Variants in OR2M3 observed in about 807,000 individuals in gnomAD.
The protein encoded by OR2M3 is olfactory receptor 2M3.
A neutral mutation model predicts 4.3 loss-of-function variants in OR2M3; 1 was observed. That is an observed-to-expected ratio of 0.23 (90% confidence interval 0.08 to 1.11). The LOEUF is 1.11. Among genes scored for constraint, OR2M3 ranks in the 50% most tolerant of loss-of-function variants. The pLI, the probability that OR2M3 is intolerant of heterozygous loss-of-function variation, is 0.54. For missense variants in OR2M3, 410 were observed against 390.4 expected, an observed-to-expected ratio of 1.05 and a Z score of -0.42; for synonymous variants, 151 against 139.4, an observed-to-expected ratio of 1.08 and a Z score of -0.59.
Position 248,208,712 on chromosome 1 carries a change from G to T in OR2M3, c.*4706G>T, listed in dbSNP as rs1666249474. ...CTGCTAATAAATCTGCTATCAATGT[G>T]ATAGGTTTTTCTTTACAGGTTACCT... On this transcript the variant is annotated 3_prime_UTR_variant, in exon 2 of 2. Coordinates refer to ENST00000641626, the MANE Select transcript of OR2M3 (RefSeq NM_001004689.2). The T allele has an allele frequency of 6.6e-6, 1 of 152,138 alleles. No homozygotes were observed. Among genetic ancestry groups the T allele is most frequent in the African/African-American group, 2.4e-5 (1 of 41,436 alleles). 9.4% of individuals were successfully genotyped at this position (152,138 alleles called of 1,614,324 possible).
chr1:248,204,078 C>G lies in OR2M3; in HGVS notation c.*72C>G, dbSNP rs142496961. Reference sequence around the variant, plus strand: ...TAAATGGTCCTATTTTTCCATTAAGCCTTGAAAATGGGATTCATTGTGTAC... The same window carrying G: ...TAAATGGTCCTATTTTTCCATTAAGGCTTGAAAATGGGATTCATTGTGTAC... On this transcript the variant is annotated 3_prime_UTR_variant, in exon 2 of 2. Transcript: ENST00000641626. 1,681 of 1,460,616 alleles carry G rather than the reference C, an allele frequency of 1.2e-3. 14 individuals are homozygous for G. The African/African-American group carries it at 0.02, about 18-fold the overall frequency. 90.5% of individuals were successfully genotyped at this position (1,460,616 alleles called of 1,614,324 possible).
Position 248,208,910 on chromosome 1 carries a change from C to G in OR2M3, c.*4904C>G, listed in dbSNP as rs1384733539. 1.3e-5 allele frequency: 2 copies of G among 152,174 alleles called. No homozygotes were observed. The highest frequency in any genetic ancestry group is 2.9e-5 in the Non-Finnish European group (2 of 68,026). 9.4% of individuals were successfully genotyped at this position (152,174 alleles called of 1,614,324 possible). On this transcript the variant is annotated 3_prime_UTR_variant, in exon 2 of 2. Transcript: ENST00000641626. ...TAGTAATTTTCCTCTATTATTCCTT[C>G]AAATATATTTTCCAGACTTTTAGAT...
At chr1:248,198,388 T>C (rs1190235827) in intron 1 of OR2M3, among the ~76,000 whole-genome samples, 1 of 152,192 alleles carries the variant, frequency 6.6e-6, no homozygotes, top group Non-Finnish European at 1.5e-5. Flanking sequence ...TTCTTGTAGT[T>C]ATGCTTATAA....
At position 248,206,755 on chromosome 1, in the gene OR2M3, G is replaced by T. The variant is rs1022703477; in HGVS notation, c.*2749G>T. On this transcript the variant is annotated 3_prime_UTR_variant, in exon 2 of 2. Transcript: ENST00000641626. ...TGCATCTATGTTCATCAGGGATATT[G>T]GTCTGTAGTCTGTAGTTTTCTTTTT... 1 of 151,960 alleles carries T rather than the reference G, an allele frequency of 6.6e-6. No homozygotes were observed. The highest frequency in any genetic ancestry group is 1.5e-5 in the Non-Finnish European group (1 of 67,916). The allele number at this position is 151,960 out of a possible 1,614,324, so 9.4% of individuals were successfully genotyped here. A position where few individuals can be genotyped will look rare whatever the true frequency, so the allele number is the denominator to read the frequency against.
chr1:248,203,098 G>C lies in OR2M3; in HGVS notation c.31G>C (p.Asp11His). 2 of 1,613,666 alleles carry C rather than the reference G, an allele frequency of 1.2e-6. No individual in the cohort carries two copies. The highest frequency in any genetic ancestry group is 1.7e-6 in the Non-Finnish European group (2 of 1,179,854). ...AAGGGAGAATTCGACCTTCAACTCCGACTTCATCCTCCTGGGAATCTTCAA... is the reference window on the plus strand; with the variant it reads ...AAGGGAGAATTCGACCTTCAACTCCCACTTCATCCTCCTGGGAATCTTCAA... MARENSTFNS[D>H]FILLGIFNHS... The change falls in exon 2 of 2, where the codon GAC becomes CAC. Residue 11 changes from aspartate to histidine, a missense_variant. Transcript: ENST00000641626.
rs1457216195 is a variant in OR2M3, at chr1:248,205,256, C to T, written c.*1250C>T. 1 of 151,984 alleles carries T rather than the reference C, an allele frequency of 6.6e-6. No homozygotes were observed. Among genetic ancestry groups the T allele is most frequent in the Non-Finnish European group, 1.5e-5 (1 of 67,962 alleles). The allele number at this position is 151,984 out of a possible 1,614,324, so 9.4% of individuals were successfully genotyped here. On this transcript the variant is annotated 3_prime_UTR_variant, in exon 2 of 2. Coordinates refer to ENST00000641626, the MANE Select transcript of OR2M3 (RefSeq NM_001004689.2). ...CTCTATGGGTTGTCTATTTACTCTG[C>T]TGACCGTTCCTTTTGCAGTGCAAAA...
rs1302698921 is a variant in OR2M3 at position 248,208,409 on chromosome 1, A to G, written c.*4403A>G. ...TTTGTTTTCATTATGTTATTGTTAT[A>G]TAGGTCCTGTAATATTTATGCTTTA... On this transcript the variant is annotated 3_prime_UTR_variant, in exon 2 of 2. Coordinates refer to ENST00000641626, the MANE Select transcript of OR2M3 (RefSeq NM_001004689.2). 6.6e-6 allele frequency: 1 copy of G among 152,130 alleles called. No individual in the cohort carries two copies. The highest frequency in any genetic ancestry group is 6.6e-5 in the Admixed American group (1 of 15,254). The allele number at this position is 152,130 out of a possible 1,614,324, so 9.4% of individuals were successfully genotyped here. A position where few individuals can be genotyped will look rare whatever the true frequency, so the allele number is the denominator to read the frequency against.
intron 1 of OR2M3, among the ~76,000 whole-genome samples, chr1:248,202,062 A>C (rs1666163755): frequency 6.6e-6 from 1 of 152,154 alleles, no homozygotes; most frequent in African/African-American, 2.4e-5. Flanking sequence ...CAGTATCACA[A>C]ACTGGTTACC....
In OR2M3 at chr1:248,209,551, G is replaced by A. The variant is rs1480488186; in HGVS notation, c.*5545G>A. 1 of 152,048 alleles carries A rather than the reference G, an allele frequency of 6.6e-6. No individual in the cohort carries two copies. The highest frequency in any genetic ancestry group is 6.6e-5 in the Admixed American group (1 of 15,264). The allele number at this position is 152,048 out of a possible 1,614,324, so 9.4% of individuals were successfully genotyped here. Reference sequence around the variant, plus strand: ...CATTCCCCTAGGAATGAGGCTTCCTGAGAGCCAAACTGTAGTGGCTGTCTA... The same window carrying A: ...CATTCCCCTAGGAATGAGGCTTCCTAAGAGCCAAACTGTAGTGGCTGTCTA... On this transcript the variant is annotated 3_prime_UTR_variant, in exon 2 of 2. Transcript: ENST00000641626.
At position 248,210,956 on chromosome 1, in the gene OR2M3, C is replaced by G. The variant is rs1353106918; in HGVS notation, c.*6950C>G. On this transcript the variant is annotated 3_prime_UTR_variant, in exon 2 of 2. Coordinates refer to ENST00000641626, the MANE Select transcript of OR2M3 (RefSeq NM_001004689.2). ...ACTCTGTCCATCTGAGTGGGAGCTG[C>G]AAGCTAGTCCTGCCTCCTATCCACC... 2.0e-5 allele frequency: 3 copies of G among 152,230 alleles called. No individual in the cohort carries two copies. The highest frequency in any genetic ancestry group is 4.4e-5 in the Non-Finnish European group (3 of 68,068). 9.4% of individuals were successfully genotyped at this position (152,230 alleles called of 1,614,324 possible).
At chr1:248,198,988 T>C in intron 1 of OR2M3, among the ~76,000 whole-genome samples, 1 of 152,148 alleles carries the variant, frequency 6.6e-6, no homozygotes, top group Non-Finnish European at 1.5e-5. Context: ...TGTGTTACTA[T>C]TGCTCTGGGC....
At chr1:248,197,486 G>A (rs1666109674) in intron 1 of OR2M3, among the ~76,000 whole-genome samples, 185 bp downstream of exon 1, 1 of 152,090 alleles carries the variant, frequency 6.6e-6, no homozygotes, top group Admixed American at 6.6e-5. Context: ...TACAATCTGA[G>A]GCAGAAGGAG....
chr1:248,201,478 G>A (rs1436199497), intron 1 of OR2M3, among the ~76,000 whole-genome samples: 2 of 151,552 alleles, frequency 1.3e-5, no homozygotes, highest in Middle Eastern at 3.2e-3. Context: ...AAGTTTTAGG[G>A]TACATGTGCA....
Position 248,206,876 on chromosome 1 carries a change from A to G in OR2M3, c.*2870A>G, listed in dbSNP as rs530627026. ...CTCTTTATCCTTTGGAATAGTGTCAATAGGATTGGTATTAATTCTTCTTTG... is the reference window on the plus strand; with the variant it reads ...CTCTTTATCCTTTGGAATAGTGTCAGTAGGATTGGTATTAATTCTTCTTTG... On this transcript the variant is annotated 3_prime_UTR_variant, in exon 2 of 2. Transcript: ENST00000641626. The G allele has an allele frequency of 1.2e-4, 18 of 152,016 alleles. No homozygotes were observed. Among genetic ancestry groups the G allele is most frequent in the Admixed American group, 3.3e-4 (5 of 15,262 alleles). 9.4% of individuals were successfully genotyped at this position (152,016 alleles called of 1,614,324 possible).
At chr1:248,198,610 A>G (rs545450705) in intron 1 of OR2M3, among the ~76,000 whole-genome samples, 2 of 152,114 alleles carry the variant, frequency 1.3e-5, no homozygotes, top group East Asian at 3.9e-4. Context: ...TTTTTGATCA[A>G]ATTCTGGCCA....
chr1:248,204,206 G>A lies in OR2M3; in HGVS notation c.*200G>A. The A allele has an allele frequency of 2.3e-6, 1 of 442,492 alleles. No individual in the cohort carries two copies. The highest frequency in any genetic ancestry group is 3.9e-6 in the Non-Finnish European group (1 of 256,632). The allele number at this position is 442,492 out of a possible 1,614,324, so 27.4% of individuals were successfully genotyped here. ...TATTCATTTCTGCTATGACCACAAT[G>A]TAAGTCATTTCCAATAAGAATATTA... On this transcript the variant is annotated 3_prime_UTR_variant, in exon 2 of 2. Transcript: ENST00000641626.
rs947435909 is a variant in OR2M3, at chr1:248,207,075, G to A, written c.*3069G>A. On this transcript the variant is annotated 3_prime_UTR_variant, in exon 2 of 2. Transcript: ENST00000641626. Reference sequence around the variant, plus strand: ...TCCAGGAATTTGGTTATCTCTTCCAGGTTTTTTAGTTTATCTGCACAAAGG... The same window carrying A: ...TCCAGGAATTTGGTTATCTCTTCCAAGTTTTTTAGTTTATCTGCACAAAGG... 1.3e-5 allele frequency: 2 copies of A among 151,804 alleles called. No homozygotes were observed. The highest frequency in any genetic ancestry group is 2.4e-5 in the African/African-American group (1 of 41,336). The allele number at this position is 151,804 out of a possible 1,614,324, so 9.4% of individuals were successfully genotyped here.
At position 248,208,949 on chromosome 1, in the gene OR2M3, C is replaced by G. The variant is rs1290228780; in HGVS notation, c.*4943C>G. 1 of 152,174 alleles carries G rather than the reference C, an allele frequency of 6.6e-6. No homozygotes were observed. The highest frequency in any genetic ancestry group is 1.5e-5 in the Non-Finnish European group (1 of 68,028). 9.4% of individuals were successfully genotyped at this position (152,174 alleles called of 1,614,324 possible). ...AGACTTTTAGATTTCTCTTCTTCCT[C>G]AAGAACACCAATTATTCTTAGGTCC... is the stretch of plus-strand genomic sequence containing the variant. On this transcript the variant is annotated 3_prime_UTR_variant, in exon 2 of 2. Coordinates refer to ENST00000641626, the MANE Select transcript of OR2M3 (RefSeq NM_001004689.2).
intron 1 of OR2M3, among the ~76,000 whole-genome samples, chr1:248,197,676 CT>C (rs1423984677): frequency 6.6e-6 from 1 of 152,024 alleles, no homozygotes; most frequent in African/African-American, 2.4e-5. Context: ...GTTCTCTTTT[CT>C]TTTAATAATT....
Sources: allele counts gnomAD v4.1 joint callset (sites outside exome capture counted in the v4.1 genomes callset), GRCh38; gene constraint gnomAD v4.1.1; transcripts MANE v1.5; gene names NCBI Gene and HGNC (gene_info 2026-07-23, HGNC 2026-07-21).